EI24: variants seen among roughly 807,000 people sequenced by gnomAD.
EI24 encodes EI24 autophagy associated transmembrane protein.
Under a neutral mutation model 48.6 loss-of-function variants are expected in EI24, and 21 were observed. The observed-to-expected ratio is 0.43, with a 90% CI of 0.31 to 0.62. The LOEUF (loss-of-function observed/expected upper bound fraction) is 0.62. Among genes scored for constraint, EI24 ranks in the 20% least tolerant of loss-of-function variants. The probability of loss-of-function intolerance (pLI) is 0.10; values close to 1 mark genes in which losing one functional copy is unlikely to be tolerated. For missense variants in EI24, 280 were observed against 410.5 expected (o/e 0.68, Z 2.75); for synonymous variants, 114 against 145.5 (o/e 0.78, Z 1.56).
At chr11:125,570,669 G>A (rs1938501717) in intron 1 of EI24, among the ~76,000 whole-genome samples, 1 of 152,168 alleles carries the variant, frequency 6.6e-6, no homozygotes, top group African/African-American at 2.4e-5. Flanking sequence ...CCTCCAAGCT[G>A]GCTCACTTTG....
At chr11:125,569,627 G>A (rs1938453167) in intron 1 of EI24, 54 bp downstream of exon 1, 1 of 351,216 alleles carries the variant, frequency 2.8e-6, no homozygotes, top group African/African-American at 2.1e-5. Flanking sequence ...CGCCCATTCT[G>A]AGTGGCAGGG....
chr11:125,583,807 C>T lies in EI24; in HGVS notation c.*124C>T. The stretch of plus-strand genomic sequence containing the variant: ...CTGCCAAGGGCCCTCTGCGTATTCC[C>T]TTCTCTCTGAGGAATTGAAATTTTT... On this transcript the variant is annotated 3_prime_UTR_variant, in exon 11 of 11. Transcript: ENST00000278903. The T allele has an allele frequency of 1.5e-6, 2 of 1,348,588 alleles. No homozygotes were observed. The highest frequency in any genetic ancestry group is 1.3e-5 in the South Asian group (1 of 75,092). 83.5% of individuals were successfully genotyped at this position (1,348,588 alleles called of 1,614,324 possible).
intron 8 of EI24, 56 bp downstream of exon 8, chr11:125,580,260 C>A (rs1029216775): frequency 8.0e-7 from 1 of 1,249,862 alleles, no homozygotes; most frequent in Non-Finnish European, 1.2e-6. Flanking sequence ...AATGCTACTG[C>A]TAAGCAGACT....
chr11:125,575,196 T>C (rs1938688172), intron 2 of EI24, 67 bp from the exon 3 acceptor site: 5 of 1,415,108 alleles, frequency 3.5e-6, no homozygotes, highest in Non-Finnish European at 3.8e-6. Context: ...CACTGCACTG[T>C]AGCTTGGGTG....
chr11:125,569,722 A>G (rs1234695222), intron 1 of EI24, 149 bp downstream of exon 1: 1 of 316,424 alleles, frequency 3.2e-6, no homozygotes, highest in African/African-American at 2.2e-5. Context: ...AGGGAGCGGG[A>G]CGGGGCCGGG....
intron 10 of EI24, among the ~76,000 whole-genome samples, 164 bp from the exon 11 acceptor site, chr11:125,583,357 T>C (rs1248766745): frequency 6.6e-6 from 1 of 152,220 alleles, no homozygotes; most frequent in Non-Finnish European, 1.5e-5. Flanking sequence ...ATGTATTCTT[T>C]AGTTGCCTGT....
intron 4 of EI24, 70 bp downstream of exon 4, chr11:125,576,385 G>A: frequency 7.1e-7 from 1 of 1,400,082 alleles, no homozygotes; most frequent in South Asian, 1.2e-5. Context: ...GCTATGAACT[G>A]TTTTCTTGAA....
rs1315483936 is a variant in EI24 at position 125,584,244 on chromosome 11, A to AT, written c.*561_*562insT. 2 of 146,930 alleles carry AT rather than the reference A, an allele frequency of 1.4e-5. No individual in the cohort carries two copies. The highest frequency in any genetic ancestry group is 5.3e-5 in the African/African-American group (2 of 37,846). 9.1% of individuals were successfully genotyped at this position (146,930 alleles called of 1,614,324 possible). On this transcript the variant is annotated 3_prime_UTR_variant, in exon 11 of 11. Transcript: ENST00000278903. The stretch of plus-strand genomic sequence containing the variant: ...TGCTCCACTGCAAAAAAAAAAAAAA[A>AT]AAAAAAAAAAAAAAAAAAGCCTGAA...
intron 5 of EI24, chr11:125,577,787 A>G: frequency 1.8e-6 from 1 of 563,876 alleles, no homozygotes; most frequent in South Asian, 2.7e-5. Flanking sequence ...GAATGAGGAA[A>G]TGCAAGTTAC....
intron 3 of EI24, among the ~76,000 whole-genome samples, 173 bp from the exon 4 acceptor site, chr11:125,576,082 G>A (rs958203134): frequency 2.0e-5 from 3 of 152,050 alleles, no homozygotes; most frequent in Non-Finnish European, 2.9e-5. Context: ...GAGCCACTGC[G>A]CTTGACCATT....
chr11:125,575,993 G>A, intron 3 of EI24: 1 of 450,284 alleles, frequency 2.2e-6, no homozygotes, highest in South Asian at 2.2e-5. Flanking sequence ...GTTTTGCCAT[G>A]TTGGCCAGGC....
At position 125,577,554 on chromosome 11, in the gene EI24, A is replaced by T; in HGVS notation, c.300A>T (p.Val100=). Residue 100 remains valine, a synonymous_variant, in exon 5 of 11, where the codon GTA becomes GTT. Transcript: ENST00000278903. ...TATTTATTCCTGTGCTTCAGTCGGTAACAGCCCGAATTATCGGTAAGTGTA... is the reference window on the plus strand; with the variant it reads ...TATTTATTCCTGTGCTTCAGTCGGTTACAGCCCGAATTATCGGTAAGTGTA... ...YRVFIPVLQS[V]TARIIGDPSL... 3 of 1,613,840 alleles carry T rather than the reference A, an allele frequency of 1.9e-6. No individual in the cohort carries two copies. Among genetic ancestry groups the T allele is most frequent in the Non-Finnish European group, 2.5e-6 (3 of 1,179,806 alleles).
chr11:125,572,159 G>A (rs1482661812), intron 1 of EI24, among the ~76,000 whole-genome samples: 1 of 152,160 alleles, frequency 6.6e-6, no homozygotes, highest in Non-Finnish European at 1.5e-5. Context: ...GGGCATTGAG[G>A]CTCAGAGGAG....
At chr11:125,572,800 G>A (rs1395324375) in intron 2 of EI24, among the ~76,000 whole-genome samples, 1 of 149,906 alleles carries the variant, frequency 6.7e-6, no homozygotes, top group Non-Finnish European at 1.5e-5. Context: ...CTCCAGTATT[G>A]GGACCCTAAT....
chr11:125,579,915 C>T (rs1410964268), intron 7 of EI24, among the ~76,000 whole-genome samples, 178 bp from the exon 8 acceptor site: 1 of 152,140 alleles, frequency 6.6e-6, no homozygotes, highest in Non-Finnish European at 1.5e-5. Context: ...CCTCCCGCCT[C>T]ATCCTCCCAA....
intron 8 of EI24, chr11:125,580,652 A>C (rs1264398364): frequency 2.5e-5 from 4 of 156,968 alleles, no homozygotes; most frequent in Admixed American, 2.5e-4. Context: ...CTGACAAAGG[A>C]TGCTGGTGCT....
intron 1 of EI24, chr11:125,570,008 A>G (rs1192232906): frequency 6.5e-6 from 1 of 153,410 alleles, no homozygotes; most frequent in Non-Finnish European, 1.5e-5. Flanking sequence ...GTTTGCCGAG[A>G]CTTGGGTTTA....
intron 1 of EI24, among the ~76,000 whole-genome samples, chr11:125,571,827 G>A (rs974999491): frequency 2.0e-5 from 3 of 152,104 alleles, no homozygotes; most frequent in Non-Finnish European, 4.4e-5. Flanking sequence ...GCAGTGAGCC[G>A]AGCCCAGTGT....
Position 125,578,669 on chromosome 11 carries a change from A to G in EI24, c.442-280A>G, listed in dbSNP as rs188168871. 6.8e-3 allele frequency among the ~76,000 whole-genome samples: 1,036 copies of G among 151,608 alleles called. 20 individuals carry two copies. The highest frequency in any genetic ancestry group is 0.023 in the African/African-American group (955 of 41,306). Reference sequence around the variant, plus strand: ...TTTTTATTAGTGACAGGGTTTCACCATGTTGGCCAGGCTGGTCTCAAACTC... The same window carrying G: ...TTTTTATTAGTGACAGGGTTTCACCGTGTTGGCCAGGCTGGTCTCAAACTC... On this transcript the variant is annotated intron_variant, in intron 6 of 10. Coordinates refer to ENST00000278903, the MANE Select transcript of EI24 (RefSeq NM_004879.5).
Sources: allele counts gnomAD v4.1 joint callset (sites outside exome capture counted in the v4.1 genomes callset), GRCh38; gene constraint gnomAD v4.1.1; transcripts MANE v1.5; gene names NCBI Gene and HGNC (gene_info 2026-07-23, HGNC 2026-07-21).